Variants in NRXN3 observed in about 807,000 individuals in gnomAD.
The protein encoded by NRXN3 is neurexin 3.
In NRXN3, 32 loss-of-function variants were observed where a neutral mutation model predicts 137.6. The observed-to-expected ratio is 0.23, with a 90% CI of 0.18 to 0.31. The LOEUF (loss-of-function observed/expected upper bound fraction) is 0.31, where lower values mean the gene tolerates loss of function less well. Ranked by LOEUF, NRXN3 falls within the 10% of genes least tolerant of loss-of-function variation. The probability of loss-of-function intolerance (pLI) is 1.00; values close to 1 mark genes in which losing one functional copy is unlikely to be tolerated. For missense variants in NRXN3, 1,574 were observed against 2,062.5 expected, an observed-to-expected ratio of 0.76 and a Z score of 4.59; for synonymous variants, 798 against 784.5, an observed-to-expected ratio of 1.02 and a Z score of -0.29.
At chr14:78,996,304 G>A (rs1224166607) in intron 15 of NRXN3, among the ~76,000 whole-genome samples, 1 of 152,146 alleles carries the variant, frequency 6.6e-6, no homozygotes, top group Non-Finnish European at 1.5e-5. Context: ...CAGTTTCATA[G>A]ATGAGAGAAC....
intron 15 of NRXN3, among the ~76,000 whole-genome samples, chr14:79,283,575 G>A (rs771004187): frequency 5.3e-5 from 8 of 152,102 alleles, no homozygotes; most frequent in South Asian, 2.1e-4. Flanking sequence ...GGACAGCCTA[G>A]AGGATGCTGG....
intron 10 of NRXN3, among the ~76,000 whole-genome samples, chr14:78,914,243 A>G (rs1426729357): frequency 6.6e-6 from 1 of 152,226 alleles, no homozygotes; most frequent in Non-Finnish European, 1.5e-5. Context: ...CATCAATTGA[A>G]TCAATGTATT....
In NRXN3 at chr14:78,928,635, CT is replaced by C. The variant is rs1291985290; in HGVS notation, c.2276-28601del. ...TCCCTACAAAGGACATGAACTCATC[CT>C]TTTTTATGGCTGCATAGTATTCCAT... On this transcript the variant is annotated intron_variant, in intron 10 of 20. Coordinates refer to ENST00000335750, the MANE Select transcript of NRXN3 (RefSeq NM_001330195.2). Among the ~76,000 whole-genome samples the C allele has an allele frequency of 3.3e-5, 5 of 152,180 alleles. No homozygotes were observed. The East Asian group carries it at 9.7e-4, about 29-fold the overall frequency.
At chr14:78,772,422 C>T (rs1288255025) in intron 8 of NRXN3, among the ~76,000 whole-genome samples, 1 of 152,150 alleles carries the variant, frequency 6.6e-6, no homozygotes, top group African/African-American at 2.4e-5. Flanking sequence ...CCTTGCACTA[C>T]TCACCATAGA....
At chr14:79,054,996 G>A (rs1419598682) in intron 15 of NRXN3, among the ~76,000 whole-genome samples, 1 of 152,184 alleles carries the variant, frequency 6.6e-6, no homozygotes, top group Admixed American at 6.5e-5. Flanking sequence ...AGCTGCAGAT[G>A]TCTCTAATAA....
At chr14:78,526,754 A>C (rs1361734365) in intron 4 of NRXN3, 7 of 517,932 alleles carry the variant, frequency 1.4e-5, no homozygotes, top group African/African-American at 9.6e-5. Flanking sequence ...GATGATGACT[A>C]TTTATAGACA....
At chr14:78,407,508 G>T (rs1347317367) in intron 4 of NRXN3, among the ~76,000 whole-genome samples, 1 of 152,128 alleles carries the variant, frequency 6.6e-6, no homozygotes, top group Non-Finnish European at 1.5e-5. Context: ...ATTGAATTTA[G>T]CAGGTGCAAA....
intron 10 of NRXN3, among the ~76,000 whole-genome samples, chr14:78,932,410 G>T (rs2099324749): frequency 6.6e-6 from 1 of 152,154 alleles, no homozygotes; most frequent in Non-Finnish European, 1.5e-5. Flanking sequence ...CCTGTTGACA[G>T]GTGGTCCAAT....
At chr14:78,225,974 GGTGTGTGTGT>G (rs71131635) in intron 1 of NRXN3, among the ~76,000 whole-genome samples, 28 of 123,620 alleles carry the variant, frequency 2.3e-4, no homozygotes, top group Admixed American at 8.2e-4. Context: ...TGTGTGTGTT[GGTGTGTGTGT>G]GTGTGTGTGT....
chr14:78,776,845 G>A (rs2098746345), intron 8 of NRXN3, among the ~76,000 whole-genome samples: 4 of 152,176 alleles, frequency 2.6e-5, no homozygotes, highest in Admixed American at 2.6e-4. Context: ...GAGACCAACT[G>A]GAGAGTGTAT....
chr14:79,766,820 G>A (rs1004013941), intron 19 of NRXN3, among the ~76,000 whole-genome samples: 1 of 152,194 alleles, frequency 6.6e-6, no homozygotes, highest in African/African-American at 2.4e-5. Flanking sequence ...GAAGGGCATG[G>A]TTGGCAGAGA....
intron 16 of NRXN3, among the ~76,000 whole-genome samples, chr14:79,531,948 T>C (rs1218749136): frequency 6.6e-6 from 1 of 151,862 alleles, no homozygotes; most frequent in Non-Finnish European, 1.5e-5. Flanking sequence ...TCGTCAATCA[T>C]CCATGTGTCC....
chr14:78,824,249 T>A (rs1477322945), intron 10 of NRXN3, among the ~76,000 whole-genome samples: 1 of 152,008 alleles, frequency 6.6e-6, no homozygotes, highest in Admixed American at 6.6e-5. Flanking sequence ...GGCTGGAAAC[T>A]TAGTTTTTAA....
chr14:79,106,634 A>C (rs1286505440), intron 15 of NRXN3, among the ~76,000 whole-genome samples: 3 of 152,152 alleles, frequency 2.0e-5, no homozygotes, highest in Admixed American at 6.6e-5. Context: ...ACATCATATA[A>C]TTTAAATGAA....
At chr14:79,287,681 T>A (rs187971253) in intron 15 of NRXN3, among the ~76,000 whole-genome samples, 1 of 152,186 alleles carries the variant, frequency 6.6e-6, no homozygotes, top group Non-Finnish European at 1.5e-5. Context: ...AAGCCTGAAT[T>A]TGAAACAGAA....
In NRXN3 at chr14:78,242,863, TCTA is replaced by T; in HGVS notation, c.-228_-226del. The T allele has an allele frequency of 2.1e-6, 1 of 474,986 alleles. No individual in the cohort carries two copies. The highest frequency in any genetic ancestry group is 3.7e-6 in the Non-Finnish European group (1 of 272,258). 29.4% of individuals were successfully genotyped at this position (474,986 alleles called of 1,614,324 possible). A position where few individuals can be genotyped will look rare whatever the true frequency, so the allele number is the denominator to read the frequency against. ...TCCTCTTCTGCTGGTCCTGTCTTTT[TCTA>T]CTGCCTCTTTATTCAATTTCTTGCT... On this transcript the variant is annotated 5_prime_UTR_variant, in exon 2 of 21. Transcript: ENST00000335750.
chr14:79,796,815 G>A (rs976945924), intron 19 of NRXN3, among the ~76,000 whole-genome samples: 7 of 152,164 alleles, frequency 4.6e-5, no homozygotes, highest in Admixed American at 3.9e-4. Context: ...TTTAGGGAGT[G>A]GGTGATACGA....
chr14:79,501,713 G>C (rs573223522), intron 16 of NRXN3, among the ~76,000 whole-genome samples: 1 of 149,916 alleles, frequency 6.7e-6, no homozygotes, highest in East Asian at 2.0e-4. Context: ...AACCAAATTA[G>C]CCTCCTCTTT....
intron 16 of NRXN3, among the ~76,000 whole-genome samples, chr14:79,603,833 A>G (rs182266143): frequency 1.3e-5 from 2 of 152,304 alleles, no homozygotes; most frequent in East Asian, 3.9e-4. Flanking sequence ...TCATACAAGT[A>G]TGCTGCAGAG....
Sources: gnomAD v4.1 joint callset for allele counts (sites outside exome capture counted in the v4.1 genomes callset) on GRCh38, gnomAD v4.1.1 for gene constraint, MANE v1.5 for transcripts, NCBI Gene and HGNC (gene_info 2026-07-23, HGNC 2026-07-21) for gene names.